DMD: variants seen among roughly 807,000 people sequenced by gnomAD.
The protein encoded by DMD is mutant dystrophin.
A neutral mutation model predicts 330.1 loss-of-function variants in DMD; 63 were observed. That is an observed-to-expected ratio of 0.19 (90% CI 0.16 to 0.24). The LOEUF is 0.24. Ranked by LOEUF, DMD falls within the 10% of genes least tolerant of loss-of-function variation. DMD has a pLI of 1.00. For synonymous variants in DMD, 1,223 were observed against 959.8 expected (o/e 1.27, Z -5.07); for missense variants, 3,344 against 2,684.1 (o/e 1.25, Z -5.43).
intron 1 of DMD, among the ~76,000 whole-genome samples, chrX:33,036,124 A>AAGAGAG (rs761957290): frequency 0.069 from 7,640 of 110,809 alleles, 675 homozygotes; most frequent in African/African-American, 0.24. Context: ...AAGTTGAATA[A>AAGAGAG]AGAGAGCGAG....
At position 33,209,279 on chromosome X, in the gene DMD, A is replaced by G. The variant is rs748930416; in HGVS notation, c.31+2003T>C. Among the ~76,000 whole-genome samples, 32 of 111,620 alleles carry G rather than the reference A, an allele frequency of 2.9e-4. No individual in the cohort carries two copies. In the South Asian group the frequency reaches 3.3e-3, roughly 12 times the overall value. On this transcript the variant is annotated intron_variant, in intron 1 of 78. Coordinates refer to ENST00000357033, the MANE Select transcript of DMD (RefSeq NM_004006.3). ...GCTTTGTATTAACAGTATATCATCAATTTAGATCAGCAATCTCTTTTTCGT... is the reference window on the plus strand; with the variant it reads ...GCTTTGTATTAACAGTATATCATCAGTTTAGATCAGCAATCTCTTTTTCGT...
At chrX:32,517,823 C>A in intron 18 of DMD, 185 bp downstream of exon 18, 1 of 503,935 alleles carries the variant, frequency 2.0e-6, no homozygotes, top group Non-Finnish European at 3.3e-6. Flanking sequence ...CAGAAGAATC[C>A]AGAAAGATTT....
chrX:31,631,409 C>T (rs912228488), intron 54 of DMD, among the ~76,000 whole-genome samples: 10 of 111,156 alleles, frequency 9.0e-5, no homozygotes, highest in African/African-American at 2.6e-4. Context: ...ACTATGTCCC[C>T]GAGACGGGCT....
intron 77 of DMD, among the ~76,000 whole-genome samples, chrX:31,132,478 C>T (rs1480894441): frequency 9.0e-6 from 1 of 111,527 alleles, no homozygotes; most frequent in African/African-American, 3.3e-5. Flanking sequence ...TTCTTCTCTA[C>T]TAACCTCTTG....
intron 2 of DMD, among the ~76,000 whole-genome samples, chrX:32,864,453 C>G (rs1429565240): frequency 1.8e-5 from 2 of 112,319 alleles, no homozygotes; most frequent in Non-Finnish European, 3.8e-5. Flanking sequence ...TTTACGTCAT[C>G]TTTTCTACAA....
intron 9 of DMD, among the ~76,000 whole-genome samples, chrX:32,666,815 A>AAAAAAAG: frequency 9.9e-6 from 1 of 101,225 alleles, no homozygotes; most frequent in Non-Finnish European, 2.0e-5. Flanking sequence ...CAACAGAGCA[A>AAAAAAAG]TAATCTGTCT....
At chrX:31,367,562 G>A (rs1016994658) in intron 60 of DMD, among the ~76,000 whole-genome samples, 1 of 111,288 alleles carries the variant, frequency 9.0e-6, no homozygotes, top group Non-Finnish European at 1.9e-5. Flanking sequence ...ACTATTCTTT[G>A]CTGATGTGGG....
chrX:32,564,861 G>T (rs977063964), intron 16 of DMD, among the ~76,000 whole-genome samples: 5 of 111,572 alleles, frequency 4.5e-5, no homozygotes, highest in Non-Finnish European at 9.4e-5. Context: ...GGAAATATTT[G>T]CCTAAAATCT....
At chrX:32,563,754 G>A (rs2051345072) in intron 16 of DMD, among the ~76,000 whole-genome samples, 1 of 112,045 alleles carries the variant, frequency 8.9e-6, no homozygotes, top group African/African-American at 3.2e-5. Context: ...CCAAGGGAAT[G>A]AGCATATTTA....
chrX:32,100,087 G>A (rs1308134109), intron 44 of DMD, among the ~76,000 whole-genome samples: 4 of 109,906 alleles, frequency 3.6e-5, no homozygotes, highest in African/African-American at 1.3e-4. Context: ...AGATCTATTT[G>A]TAATCAAATT....
chrX:33,190,917 TATATATAATATTATATATATATATA>T (rs2050544370), intron 1 of DMD, among the ~76,000 whole-genome samples: 1 of 1,044 alleles, frequency 9.6e-4, no homozygotes, highest in Non-Finnish European at 1.7e-3. Flanking sequence ...TATAATATTA[TATATATAATATTATATATATATATA>T]ATATATAATA....
At chrX:32,040,566 G>A (rs1193185215) in intron 44 of DMD, among the ~76,000 whole-genome samples, 2 of 111,706 alleles carry the variant, frequency 1.8e-5, no homozygotes, top group Non-Finnish European at 3.8e-5. Context: ...AGAACTCTCT[G>A]GATGGGGGGG....
intron 17 of DMD, among the ~76,000 whole-genome samples, chrX:32,526,441 A>C (rs2046946284): frequency 1.8e-5 from 2 of 110,695 alleles, no homozygotes; most frequent in South Asian, 7.6e-4. Flanking sequence ...TTTTCTTGGC[A>C]AAAGTGTATT....
intron 48 of DMD, among the ~76,000 whole-genome samples, chrX:31,840,475 A>G (rs1034998038): frequency 1.8e-5 from 2 of 109,622 alleles, no homozygotes; most frequent in Admixed American, 9.8e-5. Flanking sequence ...GAGTGGATAT[A>G]TAGACACATG....
intron 1 of DMD, among the ~76,000 whole-genome samples, chrX:33,170,079 G>A (rs1007511479): frequency 3.6e-5 from 4 of 111,025 alleles, no homozygotes; most frequent in African/African-American, 9.8e-5. Context: ...ATGAGGTTCC[G>A]CTCTCACAAG....
At chrX:32,581,074 C>A (rs1008504411) in intron 13 of DMD, among the ~76,000 whole-genome samples, 1 of 111,769 alleles carries the variant, frequency 8.9e-6, no homozygotes, top group Non-Finnish European at 1.9e-5. Flanking sequence ...GATCTGCCCG[C>A]CTCGGCCTCG....
At chrX:32,748,360 G>A (rs58438565) in intron 7 of DMD, among the ~76,000 whole-genome samples, 4,029 of 102,248 alleles carry the variant, frequency 0.039, 248 homozygotes, top group African/African-American at 0.13. Context: ...AAAAAAAAAA[G>A]AAAAGAAAAG....
chrX:32,786,127 C>T (rs1350419821), intron 7 of DMD, among the ~76,000 whole-genome samples: 2 of 93,032 alleles, frequency 2.1e-5, no homozygotes, highest in Non-Finnish European at 4.1e-5. Context: ...GTGTGTATTC[C>T]AATTATTAAT....
chrX:32,288,588 A>G (rs1206172261), intron 42 of DMD, among the ~76,000 whole-genome samples: 2 of 112,035 alleles, frequency 1.8e-5, no homozygotes, highest in African/African-American at 6.5e-5. Context: ...ATTCTTTTAA[A>G]ACATAATTGG....
Sources: gnomAD v4.1 joint callset for allele counts (sites outside exome capture counted in the v4.1 genomes callset) on GRCh38, gnomAD v4.1.1 for gene constraint, MANE v1.5 for transcripts, NCBI Gene and HGNC (gene_info 2026-07-23, HGNC 2026-07-21) for gene names.